DIP2C: variants seen among roughly 807,000 people sequenced by gnomAD.
The protein encoded by DIP2C is DIP2 acetate--CoA ligase C (putative), also known as disco-interacting protein 2 homolog C.
In DIP2C, 33 loss-of-function variants were observed where a neutral mutation model predicts 192.4. That is an observed-to-expected ratio of 0.17 (90% CI 0.13 to 0.23). The LOEUF (loss-of-function observed/expected upper bound fraction) is 0.23. Among genes scored for constraint, DIP2C ranks in the 10% least tolerant of loss-of-function variants. The pLI, the probability that DIP2C is intolerant of heterozygous loss-of-function variation, is 1.00. For missense variants in DIP2C, 1,537 were observed against 2,110.1 expected (o/e 0.73, Z 5.32); for synonymous variants, 979 against 864.1 (o/e 1.13, Z -2.33).
intron 17 of DIP2C, among the ~76,000 whole-genome samples, chr10:373,899 C>A (rs1961270895): frequency 6.6e-6 from 1 of 152,230 alleles, no homozygotes; most frequent in Non-Finnish European, 1.5e-5. Flanking sequence ...AATAAATAGT[C>A]TGGGCTTCCA....
chr10:442,652 G>A (rs989028031), intron 3 of DIP2C, among the ~76,000 whole-genome samples: 3 of 152,020 alleles, frequency 2.0e-5, no homozygotes, highest in Non-Finnish European at 4.4e-5. Flanking sequence ...TGCTCTCCCC[G>A]CTCCCCCATG....
chr10:308,928 C>T (rs571818481), intron 32 of DIP2C, among the ~76,000 whole-genome samples: 5 of 152,348 alleles, frequency 3.3e-5, no homozygotes, highest in Middle Eastern at 3.4e-3. Context: ...TCTCCCCCCA[C>T]CAGATGCCAG....
chr10:433,083 A>G (rs1966894914), intron 4 of DIP2C, among the ~76,000 whole-genome samples: 1 of 152,242 alleles, frequency 6.6e-6, no homozygotes, highest in African/African-American at 2.4e-5. Flanking sequence ...TGGAGGAAAT[A>G]GTCTATAAAT....
chr10:392,678 C>T (rs1183079136), intron 10 of DIP2C, among the ~76,000 whole-genome samples: 1 of 152,194 alleles, frequency 6.6e-6, no homozygotes, highest in Non-Finnish European at 1.5e-5. Context: ...TGGGAGGCAG[C>T]CCAGTGGAGT....
chr10:573,148 C>T (rs528708993), intron 1 of DIP2C, among the ~76,000 whole-genome samples: 14 of 152,250 alleles, frequency 9.2e-5, no homozygotes, highest in African/African-American at 3.1e-4. Context: ...TGTCATAATG[C>T]AGCATGTCAC....
intron 16 of DIP2C, 35 bp from the exon 17 acceptor site, chr10:382,796 A>G (rs954287820): frequency 4.8e-6 from 7 of 1,450,590 alleles, no homozygotes; most frequent in Non-Finnish European, 6.6e-6. Context: ...CAGACAGCTG[A>G]AGCACTGTGA....
intron 23 of DIP2C, 28 bp downstream of exon 23, chr10:357,800 C>A (rs780491411): frequency 1.9e-6 from 3 of 1,570,012 alleles, no homozygotes; most frequent in Non-Finnish European, 2.6e-6. Context: ...CGGGGACGGT[C>A]GGGGAGACTC....
chr10:301,571 G>C (rs1444156800), intron 32 of DIP2C, among the ~76,000 whole-genome samples: 1 of 152,196 alleles, frequency 6.6e-6, no homozygotes, highest in Non-Finnish European at 1.5e-5. Context: ...GGGATGTAAA[G>C]ACTAAAAATA....
chr10:575,257 TA>T (rs1405569945), intron 1 of DIP2C, among the ~76,000 whole-genome samples: 4 of 152,214 alleles, frequency 2.6e-5, no homozygotes, highest in African/African-American at 9.6e-5. Flanking sequence ...AATCTACACA[TA>T]AAACACTGGT....
intron 1 of DIP2C, among the ~76,000 whole-genome samples, chr10:549,917 G>A (rs1848497799): frequency 2.0e-5 from 3 of 151,946 alleles, no homozygotes; most frequent in Admixed American, 2.0e-4. Context: ...GGGAGACTGT[G>A]TCTCCAGCCT....
chr10:441,231 G>A (rs1424768372), intron 3 of DIP2C: 6 of 480,886 alleles, frequency 1.2e-5, no homozygotes, highest in African/African-American at 1.2e-4. Flanking sequence ...AGCAAACACT[G>A]GCTGTAAACT....
At chr10:546,334 TAATA>T (rs1355012172) in intron 1 of DIP2C, among the ~76,000 whole-genome samples, 1 of 151,408 alleles carries the variant, frequency 6.6e-6, no homozygotes, top group Non-Finnish European at 1.5e-5. Flanking sequence ...CATTACATGT[TAATA>T]AACAGCACAG....
chr10:640,398 A>C (rs981291746), intron 1 of DIP2C, among the ~76,000 whole-genome samples: 2 of 152,224 alleles, frequency 1.3e-5, no homozygotes, highest in African/African-American at 4.8e-5. Context: ...CCTGCACTTC[A>C]ACCCGAAGGG....
At chr10:349,775 AC>A (rs1441050267) in intron 24 of DIP2C, among the ~76,000 whole-genome samples, 2 of 152,168 alleles carry the variant, frequency 1.3e-5, no homozygotes, top group Non-Finnish European at 2.9e-5. Flanking sequence ...AGAACAAAAA[AC>A]CCTGGCAATT....
At chr10:657,851 C>T (rs1296234418) in intron 1 of DIP2C, among the ~76,000 whole-genome samples, 43 of 149,568 alleles carry the variant, frequency 2.9e-4, no homozygotes, top group Admixed American at 2.1e-3. Flanking sequence ...CTGGACCTGC[C>T]GCTGGACCTG....
At chr10:485,072 G>C (rs1215964152) in intron 2 of DIP2C, 1 of 1,260,098 alleles carries the variant, frequency 7.9e-7, no homozygotes, top group African/African-American at 1.5e-5. Context: ...GGACCACAGG[G>C]CACGACCGCC....
chr10:579,229 G>A (rs1850403493), intron 1 of DIP2C, among the ~76,000 whole-genome samples: 2 of 151,888 alleles, frequency 1.3e-5, no homozygotes, highest in Admixed American at 6.5e-5. Flanking sequence ...GATCCATTTA[G>A]TGTACGTACA....
chr10:346,525 C>T (rs1958469615), intron 26 of DIP2C, among the ~76,000 whole-genome samples: 1 of 143,264 alleles, frequency 7.0e-6, no homozygotes, highest in Admixed American at 7.0e-5. Context: ...GCATAGTTCT[C>T]CCGGAAACCC....
chr10:587,358 C>T (rs531648403), intron 1 of DIP2C, among the ~76,000 whole-genome samples: 1 of 152,336 alleles, frequency 6.6e-6, no homozygotes, highest in East Asian at 1.9e-4. Context: ...CGGTGATAAC[C>T]GTGGCCACCT....
Sources: gnomAD v4.1 joint callset for allele counts (sites outside exome capture counted in the v4.1 genomes callset) on GRCh38, gnomAD v4.1.1 for gene constraint, MANE v1.5 for transcripts, NCBI Gene and HGNC (gene_info 2026-07-23, HGNC 2026-07-21) for gene names.